JAKMIP2: variants seen among roughly 807,000 people sequenced by gnomAD.
JAKMIP2 encodes janus kinase and microtubule interacting protein 2, also known as janus kinase and microtubule-interacting protein 2.
In JAKMIP2, 25 loss-of-function variants were observed where a neutral mutation model predicts 115.0. The observed-to-expected ratio is 0.22, with a 90% CI of 0.16 to 0.30. JAKMIP2 has a LOEUF of 0.30. Among genes scored for constraint, JAKMIP2 ranks in the 10% least tolerant of loss-of-function variants. The pLI is 1.00. For synonymous variants in JAKMIP2, 334 were observed against 343.6 expected, an observed-to-expected ratio of 0.97 and a Z score of 0.31; for missense variants, 642 against 957.6, an observed-to-expected ratio of 0.67 and a Z score of 4.35.
At chr5:147,627,525 G>T in intron 16 of JAKMIP2, among the ~76,000 whole-genome samples, 1 of 152,002 alleles carries the variant, frequency 6.6e-6, no homozygotes, top group African/African-American at 2.4e-5. Flanking sequence ...TAGAGATAAT[G>T]AGGCATTTGC....
At chr5:147,647,470 TA>T (rs921909477) in intron 5 of JAKMIP2, among the ~76,000 whole-genome samples, 5 of 151,656 alleles carry the variant, frequency 3.3e-5, no homozygotes, top group Admixed American at 6.6e-5. Context: ...CAAGTGATGA[TA>T]AAAAAAATCC....
intron 3 of JAKMIP2, among the ~76,000 whole-genome samples, chr5:147,651,222 C>A (rs775230704): frequency 6.6e-6 from 1 of 152,120 alleles, no homozygotes; most frequent in Non-Finnish European, 1.5e-5. Flanking sequence ...AAATATCTGG[C>A]AATATTAACC....
At chr5:147,665,536 G>A (rs904911209) in intron 2 of JAKMIP2, among the ~76,000 whole-genome samples, 3 of 152,118 alleles carry the variant, frequency 2.0e-5, no homozygotes, top group African/African-American at 7.2e-5. Flanking sequence ...GGGTAACAAG[G>A]GAAACTTTTA....
rs565439717 is a variant in JAKMIP2 at position 147,587,310 on chromosome 5, A to C, written c.*4397T>G. On this transcript the variant is annotated 3_prime_UTR_variant, in exon 22 of 22. Coordinates refer to ENST00000616793, the MANE Select transcript of JAKMIP2 (RefSeq NM_001270941.2). ...TCTAAATTAGTAAAATGATAGAATTAAACTGCCAAAAGCTGTCATTAATTA... is the reference window on the plus strand; with the variant it reads ...TCTAAATTAGTAAAATGATAGAATTCAACTGCCAAAAGCTGTCATTAATTA... 7.2e-5 allele frequency: 11 copies of C among 152,298 alleles called. No homozygotes were observed. In the East Asian group the frequency reaches 2.1e-3, roughly 29 times the overall value. The allele number at this position is 152,298 out of a possible 1,614,324, so 9.4% of individuals were successfully genotyped here. A position where few individuals can be genotyped will look rare whatever the true frequency, so the allele number is the denominator to read the frequency against.
intron 21 of JAKMIP2, among the ~76,000 whole-genome samples, chr5:147,593,397 A>G (rs188681735): frequency 1.6e-4 from 25 of 152,342 alleles, no homozygotes; most frequent in Admixed American, 1.6e-3. Context: ...GGTCAACAGT[A>G]GCCAAAGAAA....
At chr5:147,625,855 C>T (rs549484267) in intron 16 of JAKMIP2, among the ~76,000 whole-genome samples, 7 of 152,182 alleles carry the variant, frequency 4.6e-5, no homozygotes, top group South Asian at 2.1e-4. Flanking sequence ...ACCTGTACTC[C>T]GTAAATTTAT....
intron 1 of JAKMIP2, among the ~76,000 whole-genome samples, chr5:147,730,889 C>T (rs1045261528): frequency 1.3e-5 from 2 of 152,182 alleles, no homozygotes; most frequent in African/African-American, 2.4e-5. Flanking sequence ...CCCACTTGCT[C>T]ATGCTGTATT....
chr5:147,669,852 T>C (rs1178241348), intron 2 of JAKMIP2, among the ~76,000 whole-genome samples: 2 of 152,224 alleles, frequency 1.3e-5, no homozygotes, highest in Non-Finnish European at 2.9e-5. Flanking sequence ...GTCCTGGTTC[T>C]CACCTCACTA....
At chr5:147,655,054 G>T (rs536436432) in intron 3 of JAKMIP2, among the ~76,000 whole-genome samples, 2 of 152,276 alleles carry the variant, frequency 1.3e-5, no homozygotes, top group Non-Finnish European at 2.9e-5. Flanking sequence ...GGATGAAGCT[G>T]ACTTGATCAT....
At chr5:147,669,900 C>T (rs1255296084) in intron 2 of JAKMIP2, among the ~76,000 whole-genome samples, 1 of 152,162 alleles carries the variant, frequency 6.6e-6, no homozygotes, top group African/African-American at 2.4e-5. Flanking sequence ...TCAGGAATCT[C>T]GATATTTAAT....
chr5:147,660,974 C>T lies in JAKMIP2; in HGVS notation c.601G>A (p.Glu201Lys). The T allele has an allele frequency of 6.2e-7, 1 of 1,613,944 alleles. No individual in the cohort carries two copies. Among genetic ancestry groups the T allele is most frequent in the Non-Finnish European group, 8.5e-7 (1 of 1,179,998 alleles). Residue 201 changes from glutamate to lysine, a missense_variant, in exon 3 of 22, where the codon GAG becomes AAG. Transcript: ENST00000616793. Reference protein sequence around the residue: ...HQEAISKIKWESERDIRRLMD... With the variant: ...HQEAISKIKWKSERDIRRLMD... ...AGCCTCCGAATATCCCGCTCCGACT[C>T]CCACTTGATCTTCGAGATGGCTTCT...
chr5:147,616,978 A>G (rs1451913796), intron 19 of JAKMIP2, among the ~76,000 whole-genome samples: 1 of 152,124 alleles, frequency 6.6e-6, no homozygotes, highest in East Asian at 1.9e-4. Flanking sequence ...GCCTATTCAT[A>G]CCATCTGAAT....
chr5:147,687,052 G>A (rs1457019171), intron 1 of JAKMIP2, among the ~76,000 whole-genome samples: 1 of 151,950 alleles, frequency 6.6e-6, no homozygotes, highest in East Asian at 1.9e-4. Flanking sequence ...CAAAGCCCTG[G>A]AGTCCTGGCC....
intron 1 of JAKMIP2, among the ~76,000 whole-genome samples, chr5:147,717,695 T>C (rs1753069192): frequency 6.6e-6 from 1 of 150,960 alleles, no homozygotes; most frequent in African/African-American, 2.4e-5. Context: ...TACATTGATT[T>C]TGTATCCTGA....
At chr5:147,634,296 G>T (rs1473346826) in intron 12 of JAKMIP2, among the ~76,000 whole-genome samples, 1 of 152,020 alleles carries the variant, frequency 6.6e-6, no homozygotes, top group Non-Finnish European at 1.5e-5. Context: ...ACGGAAATCA[G>T]ATAGAAGACG....
At chr5:147,667,933 C>T (rs995862263) in intron 2 of JAKMIP2, among the ~76,000 whole-genome samples, 2 of 152,156 alleles carry the variant, frequency 1.3e-5, no homozygotes, top group African/African-American at 4.8e-5. Context: ...TTGATCACCA[C>T]CATCTTACAG....
chr5:147,667,698 CAATCCAGTGCA>C (rs1240182304), intron 2 of JAKMIP2, among the ~76,000 whole-genome samples: 1 of 152,180 alleles, frequency 6.6e-6, no homozygotes, highest in Non-Finnish European at 1.5e-5. Context: ...CAACCTTACA[CAATCCAGTGCA>C]AAGGATCCTA....
rs537777028 is a variant in JAKMIP2 at position 147,740,330 on chromosome 5, G to T, written c.-149+42126C>A. On this transcript the variant is annotated intron_variant, in intron 1 of 21. Coordinates refer to ENST00000616793, the MANE Select transcript of JAKMIP2 (RefSeq NM_001270941.2). ...ATAAAGAAGAAATTGGGGACTGATT[G>T]CCATTACATACCTAACAAAAATCTA... Among the ~76,000 whole-genome samples, 13 of 152,314 alleles carry T rather than the reference G, an allele frequency of 8.5e-5. No individual in the cohort carries two copies. The East Asian group carries it at 2.5e-3, about 29-fold the overall frequency.
chr5:147,654,867 T>C (rs998781061), intron 3 of JAKMIP2, among the ~76,000 whole-genome samples: 1 of 152,182 alleles, frequency 6.6e-6, no homozygotes, highest in Admixed American at 6.5e-5. Flanking sequence ...ATAACTCTTA[T>C]TATTTTGAGG....
Sources: allele counts gnomAD v4.1 joint callset (sites outside exome capture counted in the v4.1 genomes callset), GRCh38; gene constraint gnomAD v4.1.1; transcripts MANE v1.5; gene names NCBI Gene and HGNC (gene_info 2026-07-23, HGNC 2026-07-21).